DST: variants seen among roughly 807,000 people sequenced by gnomAD.
DST encodes the protein bullous pemphigoid antigen.
In DST, 253 loss-of-function variants were observed where a neutral mutation model predicts 875.2. The observed-to-expected ratio is 0.29, with a 90% CI of 0.26 to 0.32. The LOEUF (loss-of-function observed/expected upper bound fraction) is 0.32. Among genes scored for constraint, DST ranks in the 10% least tolerant of loss-of-function variants. The pLI, the probability that DST is intolerant of heterozygous loss-of-function variation, is 1.00. For synonymous variants in DST, 3,124 were observed against 3,197.1 expected (o/e 0.98, Z 0.77); for missense variants, 8,287 against 9,111.6 (o/e 0.91, Z 3.68).
chr6:56,597,776 A>C lies in DST; in HGVS notation c.12159T>G (p.Thr4053=), dbSNP rs369432519. 754 of 1,613,880 alleles carry C rather than the reference A, an allele frequency of 4.7e-4. 1 individual carries two copies. Among genetic ancestry groups the C allele is most frequent in the South Asian group, 9.3e-4 (85 of 91,078 alleles). ...ETDVDGQVGT[T]QENLNQQYQK... is the part of the protein sequence containing the mutation. The stretch of plus-strand genomic sequence containing the variant: ...GATATTGCTGATTCAGATTCTCCTG[A>C]GTGGTTCCAACTTGCCCATCAACAT... The change falls in exon 47 of 104, where the codon ACT becomes ACG. Residue 4053 remains threonine (T), a synonymous_variant. Transcript: ENST00000680361.
At position 56,937,622 on chromosome 6, in the gene DST, C is replaced by T. The variant is rs185655104; in HGVS notation, c.216+16163G>A. Among the ~76,000 whole-genome samples the T allele has an allele frequency of 3.4e-4, 52 of 152,208 alleles. No individual in the cohort carries two copies. The South Asian group carries it at 7.7e-3, about 23-fold the overall frequency. ...AGAATTTCTTTAAAAATTAAACTTA[C>T]CATACAACCTAGCAATTTTACTCCT... On this transcript the variant is annotated intron_variant, in intron 2 of 103. Coordinates refer to ENST00000680361, the MANE Select transcript of DST (RefSeq NM_001374736.1).
rs1368684755 is a variant in DST, at chr6:56,536,830, C to T, written c.16719G>A (p.Leu5573=). Residue 5573 remains leucine (L), a synonymous_variant, in exon 62 of 104, where the codon TTG becomes TTA. Transcript: ENST00000680361. ...SAAKSTSTQG[L]EHDLDDVNAR... ...CATTGACATCATCCAGGTCATGCTC[C>T]AAGCCCTGAGTGCTAGTGCTTTTGG... The T allele has an allele frequency of 1.2e-6, 2 of 1,610,918 alleles. No individual in the cohort carries two copies. The highest frequency in any genetic ancestry group is 1.7e-5 in the Admixed American group (1 of 59,720).
At chr6:56,809,438 C>A (rs2099757156) in intron 4 of DST, among the ~76,000 whole-genome samples, 2 of 152,116 alleles carry the variant, frequency 1.3e-5, no homozygotes, top group Non-Finnish European at 2.9e-5. Context: ...ACAACCTAAC[C>A]ATTTGAGTGG....
Position 56,553,139 on chromosome 6 carries a change from T to C in DST, c.15653A>G (p.His5218Arg). 2 of 1,613,988 alleles carry C rather than the reference T, an allele frequency of 1.2e-6. No homozygotes were observed. The highest frequency in any genetic ancestry group is 1.1e-5 in the South Asian group (1 of 91,082). The change falls in exon 61 of 104, where the codon CAC (histidine) becomes CGC (arginine). Residue 5218 changes from histidine (H) to arginine (R), a missense_variant. This residue lies in a region of DST where 1,513 missense variants were observed against 1,677.8 expected (regional missense o/e 0.90). Transcript: ENST00000680361. ...LKSLQKEMDQHFGMVELLNNT... is the reference protein window; with the variant it reads ...LKSLQKEMDQRFGMVELLNNT... ...GTTCAGTAATTCTACCATACCAAAGTGTTGGTCCATTTCCTTCTGCAGAGA... is the reference window on the plus strand; with the variant it reads ...GTTCAGTAATTCTACCATACCAAAGCGTTGGTCCATTTCCTTCTGCAGAGA...
chr6:56,943,151 G>A lies in DST; in HGVS notation c.216+10634C>T, dbSNP rs553582501. Among the ~76,000 whole-genome samples, 22 of 152,126 alleles carry A rather than the reference G, an allele frequency of 1.4e-4. No individual in the cohort carries two copies. In the Middle Eastern group the frequency reaches 0.014, roughly 94 times the overall value. ...AATGCATAAATTATACATAAAAATT[G>A]CCTCAAATCTTTCCTTTTAAGCTTA... On this transcript the variant is annotated intron_variant, in intron 2 of 103. Coordinates refer to ENST00000680361, the MANE Select transcript of DST (RefSeq NM_001374736.1).
chr6:56,521,179 T>G (rs1209105483), intron 69 of DST, among the ~76,000 whole-genome samples: 1 of 152,096 alleles, frequency 6.6e-6, no homozygotes, highest in Non-Finnish European at 1.5e-5. Context: ...CTTCTGTGGA[T>G]TCTTACTTTT....
chr6:56,922,738 A>G, intron 2 of DST, among the ~76,000 whole-genome samples: 1 of 152,184 alleles, frequency 6.6e-6, no homozygotes, highest in Non-Finnish European at 1.5e-5. Flanking sequence ...ATTAGCAAAT[A>G]TGACTTTTAA....
rs1015870115 is a variant in DST at position 56,572,111 on chromosome 6, G to T, written c.13710C>A (p.Thr4570=). The T allele has an allele frequency of 2.7e-6, 4 of 1,489,840 alleles. No homozygotes were observed. Among genetic ancestry groups the T allele is most frequent in the Non-Finnish European group, 3.6e-6 (4 of 1,120,384 alleles). 92.3% of individuals were successfully genotyped at this position (1,489,840 alleles called of 1,614,324 possible). A position where few individuals can be genotyped will look rare whatever the true frequency, so the allele number is the denominator to read the frequency against. The change falls in exon 53 of 104, where the codon ACC becomes ACA. Residue 4570 remains threonine (T), a synonymous_variant. Coordinates refer to ENST00000680361, the MANE Select transcript of DST (RefSeq NM_001374736.1). The stretch of plus-strand genomic sequence containing the variant: ...AAAGTGGTACTTACTTTTCTTTGAT[G>T]GTATCCTCCATTTCCTTGAATTTCT... ...LSKKFKEMED[T]IKEKKEAVTS...
At chr6:56,918,742 T>C (rs547787662) in intron 2 of DST, among the ~76,000 whole-genome samples, 12 of 152,250 alleles carry the variant, frequency 7.9e-5, no homozygotes, top group African/African-American at 2.6e-4. Flanking sequence ...GCCTATGTGA[T>C]GGACAAAAGG....
intron 55 of DST, 76 bp from the exon 56 acceptor site, chr6:56,562,276 A>C: frequency 1.0e-6 from 1 of 959,800 alleles, no homozygotes; most frequent in East Asian, 2.9e-5. Flanking sequence ...GCATTAAATC[A>C]AACCCCATCA....
chr6:56,630,583 T>C (rs2152758173), intron 30 of DST, among the ~76,000 whole-genome samples, 200 bp from the exon 31 acceptor site: 1 of 152,222 alleles, frequency 6.6e-6, no homozygotes, highest in East Asian at 1.9e-4. Context: ...GCCCCACAAG[T>C]GGTATTCAGC....
At chr6:56,780,091 C>T (rs1047491140) in intron 4 of DST, among the ~76,000 whole-genome samples, 5 of 151,738 alleles carry the variant, frequency 3.3e-5, no homozygotes, top group African/African-American at 9.7e-5. Context: ...TTCCATGGTG[C>T]ATATGTGCCA....
At chr6:56,764,457 A>AT (rs1564062544) in intron 4 of DST, among the ~76,000 whole-genome samples, 1 of 152,080 alleles carries the variant, frequency 6.6e-6, no homozygotes, top group African/African-American at 2.4e-5. Context: ...GTAGCCTGGG[A>AT]TCCCCTGGCT....
At position 56,639,168 on chromosome 6, in the gene DST, T is replaced by C. The variant is rs2098856414; in HGVS notation, c.2964+91A>G. 3.5e-5 allele frequency: 39 copies of C among 1,116,774 alleles called. No individual in the cohort carries two copies. In the South Asian group the frequency reaches 4.8e-4, roughly 14 times the overall value. The allele number at this position is 1,116,774 out of a possible 1,614,324, so 69.2% of individuals were successfully genotyped here. On this transcript the variant is annotated intron_variant, in intron 22 of 103. Coordinates refer to ENST00000680361, the MANE Select transcript of DST (RefSeq NM_001374736.1). ...CAGGTTTTAATAAAAGTTAGATGGC[T>C]TGTAATTTTCAACTTCTCAGCAATA...
At chr6:56,485,975 G>A (rs564929085) in intron 87 of DST, among the ~76,000 whole-genome samples, 1 of 152,016 alleles carries the variant, frequency 6.6e-6, no homozygotes, top group Non-Finnish European at 1.5e-5. Context: ...CGTTTGTCAG[G>A]ACTTTATTTT....
rs188504646 is a variant in DST at position 56,724,636 on chromosome 6, T to C, written c.687+10592A>G. Among the ~76,000 whole-genome samples the C allele has an allele frequency of 2.6e-5, 4 of 152,338 alleles. No individual in the cohort carries two copies. In the East Asian group the frequency reaches 7.7e-4, roughly 29 times the overall value. On this transcript the variant is annotated intron_variant, in intron 5 of 103. Coordinates refer to ENST00000680361, the MANE Select transcript of DST (RefSeq NM_001374736.1). ...CAAATAATCCAAACAGTCTCTGCCATGCACTCACAGCATCTCACCTCACAC... is the reference window on the plus strand; with the variant it reads ...CAAATAATCCAAACAGTCTCTGCCACGCACTCACAGCATCTCACCTCACAC...
In DST at chr6:56,723,726, G is replaced by A. The variant is rs1034578526; in HGVS notation, c.687+11502C>T. On this transcript the variant is annotated intron_variant, in intron 5 of 103. Transcript: ENST00000680361. ...TCTACTGCAGGATTTCCCAAAGGGA[G>A]ATTAATAGATACTCTTTGACAAAAG... is the stretch of plus-strand genomic sequence containing the variant. Among the ~76,000 whole-genome samples, 3 of 152,206 alleles carry A rather than the reference G, an allele frequency of 2.0e-5. No homozygotes were observed. The South Asian group carries it at 6.2e-4, about 32-fold the overall frequency.
intron 4 of DST, among the ~76,000 whole-genome samples, chr6:56,813,458 CTTAA>C (rs1370252416): frequency 6.6e-6 from 1 of 151,878 alleles, no homozygotes; most frequent in Non-Finnish European, 1.5e-5. Flanking sequence ...TGTTAATATA[CTTAA>C]TTCTTATGCT....
chr6:56,832,602 G>T (rs35851452), intron 4 of DST, among the ~76,000 whole-genome samples: 23,421 of 147,216 alleles, frequency 0.16, 2,044 homozygotes, highest in Non-Finnish European at 0.18. Flanking sequence ...TGCAGAGATA[G>T]TCAAATAACA....
Sources: allele counts gnomAD v4.1 joint callset (sites outside exome capture counted in the v4.1 genomes callset), GRCh38; gene constraint gnomAD v4.1.1; regional missense constraint gnomAD v4.1.1; transcripts MANE v1.5; gene names NCBI Gene and HGNC (gene_info 2026-07-23, HGNC 2026-07-21).